The following MSRA variants were observed in gnomAD, a reference collection of about 807,000 sequenced individuals.
MSRA encodes the protein methionine sulfoxide reductase A.
MSRA carries 54 observed loss-of-function variants against 31.3 expected under a neutral mutation model. That is an observed-to-expected ratio of 1.73 (90% CI 1.39 to 2.17). MSRA has a LOEUF of 2.17. MSRA is among the 30% of genes most tolerant of loss of function. The pLI is 0.00. For synonymous variants in MSRA, 169 were observed against 116.5 expected (o/e 1.45, Z -2.90); for missense variants, 507 against 300.9 (o/e 1.69, Z -5.07).
At chr8:10,266,658 C>G (rs1181605508) in intron 3 of MSRA, among the ~76,000 whole-genome samples, 2 of 151,526 alleles carry the variant, frequency 1.3e-5, no homozygotes, top group African/African-American at 2.4e-5. Flanking sequence ...AACTATTTGT[C>G]TAACACAAAT....
intron 1 of MSRA, among the ~76,000 whole-genome samples, chr8:10,190,914 G>A (rs975813694): frequency 6.6e-6 from 1 of 151,948 alleles, no homozygotes; most frequent in Non-Finnish European, 1.5e-5. Flanking sequence ...GGAGACCAGA[G>A]TGTAGTGAGA....
chr8:10,422,461 T>C (rs183108380), intron 5 of MSRA, among the ~76,000 whole-genome samples: 51 of 151,822 alleles, frequency 3.4e-4, no homozygotes, highest in African/African-American at 1.2e-3. Flanking sequence ...TGAGGAAGAG[T>C]CTGTGAGAAA....
intron 2 of MSRA, among the ~76,000 whole-genome samples, chr8:10,237,589 G>GT (rs1173886462): frequency 6.6e-6 from 1 of 152,204 alleles, no homozygotes; most frequent in African/African-American, 2.4e-5. Context: ...ATTTGAAGAA[G>GT]TATAAGGTAA....
intron 1 of MSRA, among the ~76,000 whole-genome samples, chr8:10,117,719 TGTGA>T (rs1302056639): frequency 1.3e-5 from 2 of 152,228 alleles, no homozygotes; most frequent in South Asian, 2.1e-4. Flanking sequence ...TTTTGATAGC[TGTGA>T]GTATTACTTG....
chr8:10,421,689 C>G (rs909205783), intron 5 of MSRA, among the ~76,000 whole-genome samples: 1 of 152,178 alleles, frequency 6.6e-6, no homozygotes, highest in Non-Finnish European at 1.5e-5. Context: ...GCCCGGCTGG[C>G]ACGCCTTCCA....
chr8:10,360,546 C>G (rs1045076405), intron 5 of MSRA, among the ~76,000 whole-genome samples: 3 of 152,172 alleles, frequency 2.0e-5, no homozygotes, highest in African/African-American at 4.8e-5. Flanking sequence ...AGATTTTAAG[C>G]TGATGGGAGA....
At chr8:10,116,502 G>A (rs1209022678) in intron 1 of MSRA, among the ~76,000 whole-genome samples, 1 of 152,222 alleles carries the variant, frequency 6.6e-6, no homozygotes, top group Non-Finnish European at 1.5e-5. Flanking sequence ...AGAACAAAGA[G>A]GTGGTCCTTG....
intron 5 of MSRA, among the ~76,000 whole-genome samples, chr8:10,332,339 T>C (rs764719681): frequency 1.3e-5 from 2 of 152,208 alleles, no homozygotes; most frequent in Non-Finnish European, 2.9e-5. Context: ...GCTCTTCGTC[T>C]TTAAAAAATT....
chr8:10,056,207 A>AAAC lies in MSRA; in HGVS notation c.142+1551_142+1552insCAA, dbSNP rs1300907049. ...ATGCCCTCCCATACACCAAAAAAAA[A>AAAC]AAAAAAAAAAAAAACCCCAAATAAT... is the stretch of plus-strand genomic sequence containing the variant. On this transcript the variant is annotated intron_variant, in intron 1 of 5. Transcript: ENST00000317173. Among the ~76,000 whole-genome samples the AAAC allele has an allele frequency of 7.0e-4, 100 of 143,556 alleles. 1 individual carries two copies. The highest frequency in any genetic ancestry group is 2.2e-3 in the South Asian group (10 of 4,534). 94.2% of individuals were successfully genotyped at this position (143,556 alleles called of 152,430 possible). A position where few individuals can be genotyped will look rare whatever the true frequency, so the allele number is the denominator to read the frequency against.
At chr8:10,289,891 T>A (rs1800140820) in intron 3 of MSRA, among the ~76,000 whole-genome samples, 1 of 152,224 alleles carries the variant, frequency 6.6e-6, no homozygotes, top group Non-Finnish European at 1.5e-5. Context: ...AGTTCTGCGA[T>A]GCCATGGTTG....
intron 4 of MSRA, among the ~76,000 whole-genome samples, chr8:10,308,813 C>G (rs1303519405): frequency 6.6e-6 from 1 of 152,224 alleles, no homozygotes. Context: ...CCACCAACAT[C>G]AGGCAAGACT....
At chr8:10,123,933 C>G (rs1332527029) in intron 1 of MSRA, among the ~76,000 whole-genome samples, 1 of 151,486 alleles carries the variant, frequency 6.6e-6, no homozygotes, top group Non-Finnish European at 1.5e-5. Context: ...GGTGCAATCG[C>G]AGCTCACTGC....
chr8:10,243,507 A>G (rs1379095920), intron 2 of MSRA, among the ~76,000 whole-genome samples: 1 of 152,240 alleles, frequency 6.6e-6, no homozygotes, highest in Non-Finnish European at 1.5e-5. Flanking sequence ...GCAGCAAGCA[A>G]TTCACTTGTA....
At position 10,197,154 on chromosome 8, in the gene MSRA, T is replaced by C. The variant is rs549790843; in HGVS notation, c.143-10679T>C. On this transcript the variant is annotated intron_variant, in intron 1 of 5. Transcript: ENST00000317173. ...TGTCATTTATATTCTCAAGATTATC[T>C]AATTTTGGTAGTCATTAGGAATTAC... 5.9e-5 allele frequency among the ~76,000 whole-genome samples: 9 copies of C among 152,336 alleles called. No individual in the cohort carries two copies. The South Asian group carries it at 1.7e-3, about 28-fold the overall frequency.
chr8:10,175,540 A>C (rs1052594779), intron 1 of MSRA, among the ~76,000 whole-genome samples: 2 of 152,234 alleles, frequency 1.3e-5, no homozygotes, highest in African/African-American at 4.8e-5. Context: ...GCTGGGTGGA[A>C]AATACCCTCA....
intron 3 of MSRA, among the ~76,000 whole-genome samples, chr8:10,277,959 G>T (rs1344349930): frequency 2.0e-5 from 3 of 152,122 alleles, no homozygotes; most frequent in Non-Finnish European, 4.4e-5. Flanking sequence ...GGAATTGTAA[G>T]AGTAGTACCT....
intron 1 of MSRA, among the ~76,000 whole-genome samples, chr8:10,168,676 T>G (rs1363375507): frequency 6.6e-6 from 1 of 152,116 alleles, no homozygotes; most frequent in Non-Finnish European, 1.5e-5. Flanking sequence ...AGTAAGTGAC[T>G]CAGCTGGGAT....
chr8:10,373,900 A>C (rs1202357982), intron 5 of MSRA, among the ~76,000 whole-genome samples: 4 of 152,154 alleles, frequency 2.6e-5, no homozygotes, highest in African/African-American at 9.7e-5. Context: ...GAAGTGAAGC[A>C]TTGGCTGTGG....
chr8:10,209,275 G>GATTT (rs1223308205), intron 2 of MSRA, among the ~76,000 whole-genome samples: 1 of 152,156 alleles, frequency 6.6e-6, no homozygotes, highest in Non-Finnish European at 1.5e-5. Context: ...GTCTTTTGAT[G>GATTT]ATTTATTTAT....
Sources: allele counts gnomAD v4.1 joint callset (sites outside exome capture counted in the v4.1 genomes callset), GRCh38; gene constraint gnomAD v4.1.1; transcripts MANE v1.5; gene names NCBI Gene and HGNC (gene_info 2026-07-23, HGNC 2026-07-21).